The following KCNN2 variants were observed in gnomAD, a reference collection of about 807,000 sequenced individuals.
KCNN2 encodes the protein small conductance calcium-activated potassium channel protein 2.
KCNN2 carries 24 observed loss-of-function variants against 55.5 expected under a neutral mutation model. The ratio of observed to expected loss-of-function variants is 0.43; its 90% CI spans 0.31 to 0.61. The LOEUF (loss-of-function observed/expected upper bound fraction) is 0.61. Among genes scored for constraint, KCNN2 ranks in the 20% least tolerant of loss-of-function variants. The probability of loss-of-function intolerance (pLI) is 0.08; values close to 1 mark genes in which losing one functional copy is unlikely to be tolerated. For missense variants in KCNN2, 754 were observed against 853.6 expected (o/e 0.88, Z 1.45); for synonymous variants, 431 against 336.1 (o/e 1.28, Z -3.09).
At chr5:114,267,013 T>C (rs940801414) in intron 2 of KCNN2, among the ~76,000 whole-genome samples, 10 of 62,418 alleles carry the variant, frequency 1.6e-4, no homozygotes, top group African/African-American at 5.0e-4. Context: ...TTTTTTTTTT[T>C]TGAGACGAAG....
At chr5:114,143,460 G>C (rs1225828745) in intron 1 of KCNN2, among the ~76,000 whole-genome samples, 1 of 152,114 alleles carries the variant, frequency 6.6e-6, no homozygotes, top group Non-Finnish European at 1.5e-5. Flanking sequence ...AAGGGAGTAT[G>C]CCTTAACCCT....
At chr5:114,336,138 A>C (rs2150034832) in intron 2 of KCNN2, among the ~76,000 whole-genome samples, 1 of 152,328 alleles carries the variant, frequency 6.6e-6, no homozygotes, top group South Asian at 2.1e-4. Flanking sequence ...TTAGTTGTTT[A>C]CCTTGTTTTG....
intron 1 of KCNN2, among the ~76,000 whole-genome samples, chr5:114,150,185 C>A (rs1258379982): frequency 6.6e-6 from 1 of 152,164 alleles, no homozygotes; most frequent in South Asian, 2.1e-4. Context: ...AGGAACATTT[C>A]GTCTTGTATT....
At chr5:114,329,113 A>G (rs1231570323) in intron 2 of KCNN2, among the ~76,000 whole-genome samples, 2 of 152,110 alleles carry the variant, frequency 1.3e-5, no homozygotes, top group Non-Finnish European at 2.9e-5. Context: ...AATTTCCCTG[A>G]TAACTCTGTT....
At chr5:114,134,926 C>A (rs958734843) in intron 1 of KCNN2, among the ~76,000 whole-genome samples, 1 of 152,198 alleles carries the variant, frequency 6.6e-6, no homozygotes, top group Admixed American at 6.5e-5. Context: ...TTTAAAGATT[C>A]TGTTTAAAGA....
chr5:114,159,916 A>T (rs1443365587), intron 1 of KCNN2, among the ~76,000 whole-genome samples: 3 of 151,994 alleles, frequency 2.0e-5, no homozygotes. Context: ...TAGTCTTGCT[A>T]GTGGTCTATC....
intron 5 of KCNN2, among the ~76,000 whole-genome samples, chr5:114,478,073 C>T (rs1259965467): frequency 6.6e-6 from 1 of 152,210 alleles, no homozygotes; most frequent in African/African-American, 2.4e-5. Flanking sequence ...GCCTCATACA[C>T]CTGACCTAAA....
At chr5:114,325,817 TG>T (rs1756704188) in intron 2 of KCNN2, among the ~76,000 whole-genome samples, 1 of 152,238 alleles carries the variant, frequency 6.6e-6, no homozygotes, top group Non-Finnish European at 1.5e-5. Context: ...GCATCTCATC[TG>T]GTTCTGTGAA....
chr5:114,239,234 A>T (rs1754570379), intron 2 of KCNN2, among the ~76,000 whole-genome samples: 1 of 152,156 alleles, frequency 6.6e-6, no homozygotes, highest in South Asian at 2.1e-4. Flanking sequence ...GCAAAGATAA[A>T]ATTATAAACC....
At chr5:114,202,567 G>GTA (rs1314767935) in intron 1 of KCNN2, among the ~76,000 whole-genome samples, 84 of 93,640 alleles carry the variant, frequency 9.0e-4, no homozygotes, top group Middle Eastern at 0.011. Flanking sequence ...ATATGTGTGT[G>GTA]TATATATATA....
chr5:114,274,212 T>C (rs1036792844), intron 2 of KCNN2, among the ~76,000 whole-genome samples: 9 of 145,780 alleles, frequency 6.2e-5, no homozygotes, highest in Non-Finnish European at 1.2e-4. Flanking sequence ...TCTGTTTTGG[T>C]ACCAGTACCA....
At chr5:114,355,699 C>T (rs1757283181) in intron 2 of KCNN2, among the ~76,000 whole-genome samples, 1 of 151,576 alleles carries the variant, frequency 6.6e-6, no homozygotes, top group Non-Finnish European at 1.5e-5. Context: ...AGACTGCAGA[C>T]AAGTTCCTCT....
At chr5:114,323,168 T>C (rs1434250803) in intron 2 of KCNN2, among the ~76,000 whole-genome samples, 2 of 152,210 alleles carry the variant, frequency 1.3e-5, no homozygotes, top group African/African-American at 4.8e-5. Flanking sequence ...ACATTACAGG[T>C]ACCTAATTTC....
intron 1 of KCNN2, among the ~76,000 whole-genome samples, chr5:114,162,640 T>G (rs560820539): frequency 4.6e-5 from 7 of 152,328 alleles, no homozygotes; most frequent in Admixed American, 2.6e-4. Flanking sequence ...TGAGCTGTGG[T>G]GGGCTCCACC....
chr5:114,377,849 C>G (rs79238122), intron 2 of KCNN2, among the ~76,000 whole-genome samples: 147 of 152,308 alleles, frequency 9.7e-4, no homozygotes, highest in African/African-American at 3.4e-3. Context: ...TATGAAGAAT[C>G]TAGCGTGATA....
intron 2 of KCNN2, among the ~76,000 whole-genome samples, chr5:114,369,038 A>G (rs1031662281): frequency 3.9e-5 from 6 of 152,136 alleles, no homozygotes; most frequent in African/African-American, 1.4e-4. Flanking sequence ...TATTTAGAGT[A>G]TATACATATG....
intron 2 of KCNN2, among the ~76,000 whole-genome samples, chr5:114,346,927 C>T (rs1757117269): frequency 6.6e-6 from 1 of 152,060 alleles, no homozygotes; most frequent in Admixed American, 6.5e-5. Context: ...ACACAGGGGC[C>T]AACCTGAAGG....
At chr5:114,325,646 C>G (rs1387322246) in intron 2 of KCNN2, among the ~76,000 whole-genome samples, 2 of 152,206 alleles carry the variant, frequency 1.3e-5, no homozygotes, top group Non-Finnish European at 2.9e-5. Flanking sequence ...GACCTGTGGA[C>G]AAGCTTCTTA....
At chr5:114,395,205 C>T (rs1484379902) in intron 2 of KCNN2, among the ~76,000 whole-genome samples, 2 of 152,154 alleles carry the variant, frequency 1.3e-5, no homozygotes, top group African/African-American at 2.4e-5. Context: ...TGGGCAGGCC[C>T]CTCCTGCTAA....
Sources: allele counts gnomAD v4.1 joint callset (sites outside exome capture counted in the v4.1 genomes callset), GRCh38; gene constraint gnomAD v4.1.1; transcripts MANE v1.5; gene names NCBI Gene and HGNC (gene_info 2026-07-23, HGNC 2026-07-21).